Variants in CNNM2 observed in about 807,000 individuals in gnomAD.
CNNM2 encodes the protein cyclin and CBS domain divalent metal cation transport mediator 2.
In CNNM2, 12 loss-of-function variants were observed where a neutral mutation model predicts 66.9. That is an observed-to-expected ratio of 0.18 (90% confidence interval 0.11 to 0.29). The LOEUF is 0.29. CNNM2 is among the 10% of genes least tolerant of loss of function. The pLI, the probability that CNNM2 is intolerant of heterozygous loss-of-function variation, is 1.00. For synonymous variants in CNNM2, 557 were observed against 501.8 expected (o/e 1.11, Z -1.47); for missense variants, 705 against 1,167.7 (o/e 0.60, Z 5.77).
At chr10:103,071,439 G>A (rs770957255) in intron 5 of CNNM2, among the ~76,000 whole-genome samples, 25 of 152,298 alleles carry the variant, frequency 1.6e-4, no homozygotes, top group African/African-American at 4.8e-4. Context: ...TTGACTAATC[G>A]AGCTCCCCTT....
At chr10:103,069,684 C>T (rs1184898580) in intron 5 of CNNM2, among the ~76,000 whole-genome samples, 1 of 152,196 alleles carries the variant, frequency 6.6e-6, no homozygotes, top group Admixed American at 6.5e-5. Flanking sequence ...AGATAGATAC[C>T]TGGTGGCTTG....
chr10:103,029,081 C>A (rs558289095), intron 1 of CNNM2, among the ~76,000 whole-genome samples: 2 of 151,952 alleles, frequency 1.3e-5, no homozygotes, highest in South Asian at 4.2e-4. Flanking sequence ...CTCGGCCTCC[C>A]AAAATGCTGG....
intron 1 of CNNM2, among the ~76,000 whole-genome samples, chr10:102,929,889 CTGAT>C (rs1846008646): frequency 6.6e-6 from 1 of 152,116 alleles, no homozygotes; most frequent in Non-Finnish European, 1.5e-5. Context: ...TATTTTAACA[CTGAT>C]TGCATAAAAA....
chr10:103,011,857 T>C (rs1451730482), intron 1 of CNNM2, among the ~76,000 whole-genome samples: 1 of 151,832 alleles, frequency 6.6e-6, no homozygotes, highest in Non-Finnish European at 1.5e-5. Context: ...CATGCCCAGC[T>C]AATTTTTGTA....
chr10:103,026,553 A>G (rs1489242090), intron 1 of CNNM2, among the ~76,000 whole-genome samples: 1 of 140,846 alleles, frequency 7.1e-6, no homozygotes, highest in East Asian at 2.2e-4. Context: ...GTGAGCTGTG[A>G]TCGTGCCACT....
chr10:103,008,189 C>T (rs1201515097), intron 1 of CNNM2, among the ~76,000 whole-genome samples: 1 of 151,672 alleles, frequency 6.6e-6, no homozygotes, highest in South Asian at 2.1e-4. Flanking sequence ...TAGAGAGAAA[C>T]CTTTATTTAT....
At chr10:102,960,981 G>A (rs1193262035) in intron 1 of CNNM2, among the ~76,000 whole-genome samples, 1 of 151,186 alleles carries the variant, frequency 6.6e-6, no homozygotes, top group Non-Finnish European at 1.5e-5. Context: ...CCAACCTCCG[G>A]TTTCTCTTGC....
chr10:102,918,409 C>A lies in CNNM2; in HGVS notation c.-72C>A, dbSNP rs759044881. Reference sequence around the variant, plus strand: ...GGCCGCGGACGCTCCGTTGCAGTCTCGCCCAGGGGCCGGTACCTGCGCTCG... The same window carrying A: ...GGCCGCGGACGCTCCGTTGCAGTCTAGCCCAGGGGCCGGTACCTGCGCTCG... On this transcript the variant is annotated 5_prime_UTR_variant, in exon 1 of 8. Transcript: ENST00000369878. The surrounding 1 kb of genome is among the most constrained non-coding windows in gnomAD (Gnocchi z 4.1). The A allele has an allele frequency of 1.8e-5, 28 of 1,548,972 alleles. No homozygotes were observed. The highest frequency in any genetic ancestry group is 2.3e-5 in the Non-Finnish European group (27 of 1,154,524).
intron 1 of CNNM2, among the ~76,000 whole-genome samples, chr10:102,966,990 G>A (rs1171235459): frequency 2.6e-5 from 4 of 152,246 alleles, no homozygotes; most frequent in Admixed American, 2.0e-4. Context: ...TAGGTCCATG[G>A]GGCTACCTGG....
At chr10:103,068,755 C>T (rs764518095) in intron 5 of CNNM2, 33 bp downstream of exon 5, 3 of 1,533,574 alleles carry the variant, frequency 2.0e-6, no homozygotes, top group Non-Finnish European at 2.7e-6. Flanking sequence ...TAGGGCAGGA[C>T]CACGTGTTAG....
At chr10:102,928,582 CAAAAA>C (rs34854394) in intron 1 of CNNM2, among the ~76,000 whole-genome samples, 2 of 121,020 alleles carry the variant, frequency 1.7e-5, no homozygotes, top group Non-Finnish European at 3.5e-5. Flanking sequence ...AACTCTGTCT[CAAAAA>C]AAAAAAAAAA....
intron 1 of CNNM2, among the ~76,000 whole-genome samples, chr10:102,945,442 T>C (rs1276280051): frequency 6.6e-6 from 1 of 152,146 alleles, no homozygotes; most frequent in Non-Finnish European, 1.5e-5. Context: ...GAGTATAACT[T>C]TTTTGCAAGT....
At chr10:103,051,967 C>T (rs1014217223) in intron 2 of CNNM2, among the ~76,000 whole-genome samples, 1 of 151,924 alleles carries the variant, frequency 6.6e-6, no homozygotes, top group Non-Finnish European at 1.5e-5. Context: ...CATCCTTCCT[C>T]ACAAATGACT....
rs77637257 is a variant in CNNM2, at chr10:102,936,469, A to G, written c.1621+16368A>G. 4.9e-4 allele frequency among the ~76,000 whole-genome samples: 71 copies of G among 145,272 alleles called. No homozygotes were observed. In the East Asian group the frequency reaches 0.014, roughly 28 times the overall value. ...CTTGCTATCATCAGTCTGATCCTTGAGGGTTTGGGGTTCCAGGTAAACAGA... is the reference window on the plus strand; with the variant it reads ...CTTGCTATCATCAGTCTGATCCTTGGGGGTTTGGGGTTCCAGGTAAACAGA... On this transcript the variant is annotated intron_variant, in intron 1 of 7. Transcript: ENST00000369878.
chr10:103,012,041 C>A (rs2064353464), intron 1 of CNNM2, among the ~76,000 whole-genome samples: 1 of 151,970 alleles, frequency 6.6e-6, no homozygotes, highest in African/African-American at 2.4e-5. Context: ...AAAATTCTTC[C>A]CCTTGCTATC....
chr10:102,996,750 C>T (rs557579353), intron 1 of CNNM2, among the ~76,000 whole-genome samples: 78 of 152,332 alleles, frequency 5.1e-4, no homozygotes, highest in African/African-American at 1.9e-3. Flanking sequence ...TTTGCATTAT[C>T]ATAATTACAT....
chr10:103,032,192 G>A (rs1394659836), intron 1 of CNNM2, among the ~76,000 whole-genome samples: 2 of 152,198 alleles, frequency 1.3e-5, no homozygotes, highest in African/African-American at 2.4e-5. Context: ...ACTCATGCCT[G>A]TAATCCCAGC....
At chr10:102,943,590 C>T (rs945546560) in intron 1 of CNNM2, among the ~76,000 whole-genome samples, 3 of 152,074 alleles carry the variant, frequency 2.0e-5, no homozygotes, top group Non-Finnish European at 4.4e-5. Context: ...AGGAAAAAAA[C>T]GCACAAAAAA....
chr10:103,041,865 G>A (rs2065045856), intron 1 of CNNM2, among the ~76,000 whole-genome samples: 2 of 151,932 alleles, frequency 1.3e-5, no homozygotes, highest in African/African-American at 2.4e-5. Context: ...AGGAAACTCG[G>A]GCACCCCCAT....
Sources: allele counts gnomAD v4.1 joint callset (sites outside exome capture counted in the v4.1 genomes callset), GRCh38; gene constraint gnomAD v4.1.1; non-coding constraint Gnocchi (gnomAD v3.1); transcripts MANE v1.5; gene names NCBI Gene and HGNC (gene_info 2026-07-23, HGNC 2026-07-21).